Variants in NR3C2 observed in about 807,000 individuals in gnomAD.
The protein encoded by NR3C2 is nuclear receptor subfamily 3 group C member 2, also known as mineralocorticoid receptor.
A neutral mutation model predicts 86.4 loss-of-function variants in NR3C2; 15 were observed. That is an observed-to-expected ratio of 0.17 (90% CI 0.12 to 0.27). NR3C2 has a LOEUF of 0.27. Ranked by LOEUF, NR3C2 falls within the 10% of genes least tolerant of loss-of-function variation. The pLI is 1.00. For synonymous variants in NR3C2, 458 were observed against 450.5 expected (o/e 1.02, Z -0.21); for missense variants, 960 against 1,195.6 (o/e 0.80, Z 2.91).
At chr4:148,210,157 T>G (rs1428157278) in intron 3 of NR3C2, among the ~76,000 whole-genome samples, 1 of 152,076 alleles carries the variant, frequency 6.6e-6, no homozygotes, top group South Asian at 2.1e-4. Context: ...GGTTTTGGTG[T>G]GATACTTCAC....
At chr4:148,311,741 C>T (rs1742909337) in intron 2 of NR3C2, among the ~76,000 whole-genome samples, 1 of 152,200 alleles carries the variant, frequency 6.6e-6, no homozygotes, top group African/African-American at 2.4e-5. Context: ...TGAAAAGGCC[C>T]TATTAATCAC....
chr4:148,265,619 C>T (rs1429362622), intron 2 of NR3C2, among the ~76,000 whole-genome samples: 2 of 152,158 alleles, frequency 1.3e-5, no homozygotes, highest in African/African-American at 4.8e-5. Context: ...ATTAAACAAA[C>T]CTATCTTTTA....
intron 3 of NR3C2, among the ~76,000 whole-genome samples, chr4:148,225,617 G>T (rs960347924): frequency 1.3e-5 from 2 of 151,920 alleles, no homozygotes; most frequent in Non-Finnish European, 2.9e-5. Context: ...ATTAAAATTT[G>T]AATAATTTTG....
intron 2 of NR3C2, among the ~76,000 whole-genome samples, chr4:148,317,294 G>C (rs925299237): frequency 6.6e-6 from 1 of 151,384 alleles, no homozygotes; most frequent in Non-Finnish European, 1.5e-5. Context: ...GGTGGAGGTT[G>C]TGGTGAGCTG....
intron 4 of NR3C2, among the ~76,000 whole-genome samples, chr4:148,191,596 C>A (rs937566110): frequency 3.3e-5 from 5 of 152,280 alleles, no homozygotes; most frequent in Non-Finnish European, 5.9e-5. Flanking sequence ...TTTTAGAATT[C>A]TCTTCTTCCT....
chr4:148,216,093 T>C (rs540943205), intron 3 of NR3C2, among the ~76,000 whole-genome samples: 1 of 152,304 alleles, frequency 6.6e-6, no homozygotes, highest in East Asian at 1.9e-4. Flanking sequence ...ACTATGTCAT[T>C]ATAATGGGAA....
chr4:148,148,365 C>A (rs1372633840), intron 6 of NR3C2, among the ~76,000 whole-genome samples: 1 of 152,246 alleles, frequency 6.6e-6, no homozygotes, highest in African/African-American at 2.4e-5. Flanking sequence ...GGTCTCCCAA[C>A]ATCTGCTCTG....
chr4:148,235,293 C>T (rs999624151), intron 3 of NR3C2, among the ~76,000 whole-genome samples: 1 of 126,092 alleles, frequency 7.9e-6, no homozygotes, highest in Non-Finnish European at 1.9e-5. Flanking sequence ...TTTAAGATTC[C>T]TATCTCTTAC....
At chr4:148,246,864 A>G (rs2149855401) in intron 3 of NR3C2, among the ~76,000 whole-genome samples, 1 of 152,254 alleles carries the variant, frequency 6.6e-6, no homozygotes, top group African/African-American at 2.4e-5. Context: ...TAATTTTATA[A>G]TTTTAAAAGG....
intron 4 of NR3C2, among the ~76,000 whole-genome samples, chr4:148,183,729 C>T (rs1165644402): frequency 6.6e-6 from 1 of 152,104 alleles, no homozygotes; most frequent in Non-Finnish European, 1.5e-5. Flanking sequence ...CTCAAAAATG[C>T]CAATTGTTTA....
intron 4 of NR3C2, among the ~76,000 whole-genome samples, chr4:148,157,530 T>C (rs537290696): frequency 2.6e-5 from 4 of 152,132 alleles, no homozygotes; most frequent in African/African-American, 9.6e-5. Flanking sequence ...TTACTTCATA[T>C]GCGAATATGA....
intron 3 of NR3C2, among the ~76,000 whole-genome samples, chr4:148,240,111 T>C (rs1357205636): frequency 6.6e-6 from 1 of 151,896 alleles, no homozygotes; most frequent in East Asian, 1.9e-4. Context: ...TTAACTTTAG[T>C]AGTATATTTT....
intron 2 of NR3C2, among the ~76,000 whole-genome samples, chr4:148,419,113 G>A (rs1313439792): frequency 8.0e-6 from 1 of 124,582 alleles, no homozygotes; most frequent in Non-Finnish European, 1.7e-5. Context: ...TTTTCTTTTT[G>A]TCTGGCTAGC....
chr4:148,306,476 A>G (rs375970589), intron 2 of NR3C2, among the ~76,000 whole-genome samples: 9 of 152,228 alleles, frequency 5.9e-5, no homozygotes, highest in African/African-American at 1.9e-4. Context: ...TAAAATACTA[A>G]ACTACCACCA....
At chr4:148,271,727 T>C (rs1258888863) in intron 2 of NR3C2, among the ~76,000 whole-genome samples, 2 of 152,150 alleles carry the variant, frequency 1.3e-5, no homozygotes, top group Non-Finnish European at 2.9e-5. Context: ...CTATCACTAT[T>C]AGAGCCGTGG....
At chr4:148,091,477 A>AGGT (rs1320085617) in intron 8 of NR3C2, among the ~76,000 whole-genome samples, 1 of 152,248 alleles carries the variant, frequency 6.6e-6, no homozygotes, top group Non-Finnish European at 1.5e-5. Flanking sequence ...TAGCAGCTGC[A>AGGT]GGTGGTTAGA....
chr4:148,417,428 C>T (rs919780115), intron 2 of NR3C2, among the ~76,000 whole-genome samples: 1 of 152,130 alleles, frequency 6.6e-6, no homozygotes, highest in Non-Finnish European at 1.5e-5. Flanking sequence ...TTTAAACCAT[C>T]TGGAAATTAT....
At chr4:148,129,487 AG>A (rs1213799093) in intron 6 of NR3C2, among the ~76,000 whole-genome samples, 9 of 152,260 alleles carry the variant, frequency 5.9e-5, no homozygotes, top group African/African-American at 1.9e-4. Flanking sequence ...AAAAAGGGTT[AG>A]AAGGCAAATT....
intron 3 of NR3C2, among the ~76,000 whole-genome samples, chr4:148,200,119 C>T (rs1018763916): frequency 2.0e-5 from 3 of 152,210 alleles, no homozygotes; most frequent in Non-Finnish European, 2.9e-5. Context: ...CAGTAAGCAA[C>T]TGGTCTGGCA....
Sources: allele counts gnomAD v4.1 joint callset (sites outside exome capture counted in the v4.1 genomes callset), GRCh38; gene constraint gnomAD v4.1.1; transcripts MANE v1.5; gene names NCBI Gene and HGNC (gene_info 2026-07-23, HGNC 2026-07-21).